Variants in PDE4D observed in about 807,000 individuals in gnomAD.
PDE4D encodes phosphodiesterase 4D.
Under a neutral mutation model 87.4 loss-of-function variants are expected in PDE4D, and 24 were observed. That is an observed-to-expected ratio of 0.27 (90% CI 0.20 to 0.39). The LOEUF is 0.39. PDE4D is among the 10% of genes least tolerant of loss of function. PDE4D has a pLI of 1.00. For synonymous variants in PDE4D, 384 were observed against 383.2 expected, an observed-to-expected ratio of 1.00 and a Z score of -0.02; for missense variants, 714 against 1,041.0, an observed-to-expected ratio of 0.69 and a Z score of 4.32.
At chr5:59,881,983 A>G (rs1443344190) in intron 1 of PDE4D, among the ~76,000 whole-genome samples, 1 of 152,202 alleles carries the variant, frequency 6.6e-6, no homozygotes, top group Non-Finnish European at 1.5e-5. Context: ...ATAAAGAAGC[A>G]CATAATTCAA....
intron 2 of PDE4D, among the ~76,000 whole-genome samples, chr5:60,180,625 T>G (rs999966872): frequency 1.3e-5 from 2 of 152,186 alleles, no homozygotes; most frequent in African/African-American, 4.8e-5. Context: ...TATCTTACAT[T>G]GGATACTCAG....
intron 1 of PDE4D, among the ~76,000 whole-genome samples, chr5:59,677,041 G>T (rs760416376): frequency 6.6e-6 from 1 of 151,324 alleles, no homozygotes; most frequent in Non-Finnish European, 1.5e-5. Flanking sequence ...AGAAAATGTG[G>T]ATGGCTTTAA....
chr5:59,407,259 C>G (rs1460520540), intron 1 of PDE4D, among the ~76,000 whole-genome samples: 1 of 152,172 alleles, frequency 6.6e-6, no homozygotes, highest in African/African-American at 2.4e-5. Context: ...CCCCTATTGC[C>G]ACGTGAGATA....
intron 3 of PDE4D, among the ~76,000 whole-genome samples, chr5:59,908,494 C>T (rs1753088054): frequency 6.6e-6 from 1 of 152,092 alleles, no homozygotes; most frequent in Admixed American, 6.6e-5. Flanking sequence ...TTTCCTTATA[C>T]CTTTTGTCTC....
At chr5:60,429,258 TG>T (rs1198232443) in intron 1 of PDE4D, among the ~76,000 whole-genome samples, 5 of 152,222 alleles carry the variant, frequency 3.3e-5, no homozygotes, top group African/African-American at 9.6e-5. Flanking sequence ...TGTTATTTTT[TG>T]TGGCTATTGT....
chr5:60,215,126 C>T (rs1329783019), intron 1 of PDE4D, among the ~76,000 whole-genome samples: 5 of 152,064 alleles, frequency 3.3e-5, no homozygotes, highest in Non-Finnish European at 4.4e-5. Context: ...TCCTCTGTAG[C>T]GATTTCTATG....
chr5:59,201,220 A>G (rs1197099110), intron 2 of PDE4D, among the ~76,000 whole-genome samples: 2 of 152,142 alleles, frequency 1.3e-5, no homozygotes, highest in Non-Finnish European at 2.9e-5. Context: ...TTAAATATAC[A>G]TAAGACAAAG....
chr5:60,213,704 G>A (rs1238455749), intron 1 of PDE4D, among the ~76,000 whole-genome samples: 2 of 152,130 alleles, frequency 1.3e-5, no homozygotes, highest in Non-Finnish European at 2.9e-5. Context: ...CTTGGCTGCT[G>A]CGTTTCTGCT....
At chr5:59,255,860 T>C (rs779736409) in intron 1 of PDE4D, among the ~76,000 whole-genome samples, 2 of 152,094 alleles carry the variant, frequency 1.3e-5, no homozygotes, top group Non-Finnish European at 2.9e-5. Context: ...CAATAGTAAA[T>C]GTCATCTGGA....
intron 5 of PDE4D, among the ~76,000 whole-genome samples, chr5:59,078,901 T>C (rs1001114019): frequency 6.6e-6 from 1 of 152,160 alleles, no homozygotes; most frequent in Middle Eastern, 3.2e-3. Flanking sequence ...GCAGGTTTGT[T>C]ATAAAAGAGT....
At chr5:60,005,722 T>G (rs1382920501) in intron 2 of PDE4D, among the ~76,000 whole-genome samples, 1 of 151,994 alleles carries the variant, frequency 6.6e-6, no homozygotes, top group Non-Finnish European at 1.5e-5. Flanking sequence ...AGCCTTTAGA[T>G]TTAACTAATA....
At chr5:59,219,764 A>G (rs1231266783) in intron 1 of PDE4D, among the ~76,000 whole-genome samples, 2 of 152,202 alleles carry the variant, frequency 1.3e-5, no homozygotes, top group Non-Finnish European at 2.9e-5. Flanking sequence ...TATATAGGCA[A>G]TCAGACTATG....
Position 58,972,105 on chromosome 5 carries a change from A to G in PDE4D, c.*2559T>C, listed in dbSNP as rs1742708041. On this transcript the variant is annotated 3_prime_UTR_variant, in exon 15 of 15. Transcript: ENST00000340635. ...ATGACATATTGCTGCTTTTTATTTT[A>G]TTCATTATTAAGATTCTAGGCACTC... 1 of 152,510 alleles carries G rather than the reference A, an allele frequency of 6.6e-6. No individual in the cohort carries two copies. Among genetic ancestry groups the G allele is most frequent in the Non-Finnish European group, 1.5e-5 (1 of 67,998 alleles). The allele number at this position is 152,510 out of a possible 1,614,324, so 9.4% of individuals were successfully genotyped here.
At chr5:59,285,402 G>A (rs1050470489) in intron 1 of PDE4D, among the ~76,000 whole-genome samples, 1 of 151,972 alleles carries the variant, frequency 6.6e-6, no homozygotes, top group African/African-American at 2.4e-5. Flanking sequence ...GCTGGAATTA[G>A]ATTTCAAAAA....
chr5:60,423,135 C>T (rs1399952409), intron 1 of PDE4D, among the ~76,000 whole-genome samples: 2 of 152,154 alleles, frequency 1.3e-5, no homozygotes, highest in Admixed American at 6.5e-5. Flanking sequence ...GACCGATCAA[C>T]CAGAGAGAAG....
intron 5 of PDE4D, among the ~76,000 whole-genome samples, chr5:59,075,452 G>A (rs1207443896): frequency 1.3e-5 from 2 of 151,846 alleles, no homozygotes; most frequent in African/African-American, 4.8e-5. Context: ...CTTTCAAGTA[G>A]AAAAGTTTCT....
chr5:59,768,212 G>A (rs1024764379), intron 1 of PDE4D: 1 of 1,592,106 alleles, frequency 6.3e-7, no homozygotes, highest in Non-Finnish European at 8.5e-7. Flanking sequence ...GAAGGGAAAC[G>A]GCCACCATTT....
intron 1 of PDE4D, among the ~76,000 whole-genome samples, chr5:60,339,106 C>A (rs1758078562): frequency 6.6e-6 from 1 of 152,152 alleles, no homozygotes; most frequent in Admixed American, 6.5e-5. Flanking sequence ...GCATGAATTT[C>A]TTTTTCCCTC....
At chr5:59,622,611 T>C (rs1053341160) in intron 1 of PDE4D, among the ~76,000 whole-genome samples, 1 of 152,190 alleles carries the variant, frequency 6.6e-6, no homozygotes, top group Non-Finnish European at 1.5e-5. Flanking sequence ...AAGAGGGGTA[T>C]TTTTCTCCGA....
Sources: gnomAD v4.1 joint callset for allele counts (sites outside exome capture counted in the v4.1 genomes callset) on GRCh38, gnomAD v4.1.1 for gene constraint, MANE v1.5 for transcripts, NCBI Gene and HGNC (gene_info 2026-07-23, HGNC 2026-07-21) for gene names.